The following ZFHX3 variants were observed in gnomAD, a reference collection of about 807,000 sequenced individuals.
The protein encoded by ZFHX3 is zinc finger homeobox protein 3.
ZFHX3 carries 42 observed loss-of-function variants against 279.1 expected under a neutral mutation model. The ratio of observed to expected loss-of-function variants is 0.15; its 90% CI spans 0.12 to 0.19. ZFHX3 has a LOEUF of 0.19. Among genes scored for constraint, ZFHX3 ranks in the 10% least tolerant of loss-of-function variants. The probability of loss-of-function intolerance (pLI) is 1.00; values close to 1 mark genes in which losing one functional copy is unlikely to be tolerated. For synonymous variants in ZFHX3, 2,293 were observed against 1,957.8 expected, an observed-to-expected ratio of 1.17 and a Z score of -4.52; for missense variants, 4,981 against 4,754.0, an observed-to-expected ratio of 1.05 and a Z score of -1.40.
chr16:73,230,664 C>T (rs986025327), intron 5 of ZFHX3, among the ~76,000 whole-genome samples: 4 of 152,182 alleles, frequency 2.6e-5, no homozygotes, highest in African/African-American at 9.7e-5. Flanking sequence ...TCGGGAAGGC[C>T]TGGTGCTATA....
intron 2 of ZFHX3, among the ~76,000 whole-genome samples, chr16:73,496,216 C>T (rs1374368212): frequency 2.0e-5 from 3 of 152,232 alleles, no homozygotes; most frequent in Admixed American, 6.5e-5. Context: ...GCACCCAATG[C>T]TTGGCCTTTT....
At chr16:73,198,114 T>C (rs1175846646) in intron 5 of ZFHX3, among the ~76,000 whole-genome samples, 1 of 151,782 alleles carries the variant, frequency 6.6e-6, no homozygotes, top group African/African-American at 2.4e-5. Flanking sequence ...ATTTTTTGTA[T>C]TTTTAGTAGA....
chr16:73,240,746 A>G (rs2013096568), intron 5 of ZFHX3, among the ~76,000 whole-genome samples: 1 of 152,198 alleles, frequency 6.6e-6, no homozygotes, highest in South Asian at 2.1e-4. Flanking sequence ...TGAAGTTACA[A>G]CTAAATTTCA....
intron 4 of ZFHX3, among the ~76,000 whole-genome samples, chr16:73,303,783 C>G (rs1032231167): frequency 2.6e-5 from 4 of 151,870 alleles, no homozygotes; most frequent in African/African-American, 7.3e-5. Context: ...AAGTCGACAG[C>G]AATTAAGTCT....
At chr16:73,838,762 CTGTG>C (rs34111835) in intron 1 of ZFHX3, among the ~76,000 whole-genome samples, 1,712 of 147,724 alleles carry the variant, frequency 0.012, 11 homozygotes, top group African/African-American at 0.02. Context: ...GTGTGTGTGT[CTGTG>C]TGTGTGTGTG....
intron 1 of ZFHX3, among the ~76,000 whole-genome samples, chr16:72,984,150 T>C (rs1052769620): frequency 1.3e-5 from 2 of 152,172 alleles, no homozygotes; most frequent in African/African-American, 4.8e-5. Flanking sequence ...CCCCATCTGA[T>C]AGTTTCACTC....
In ZFHX3 at chr16:73,713,656, A is replaced by G. The variant is rs537463567; in HGVS notation, c.-1607-33416T>C. Among the ~76,000 whole-genome samples the G allele has an allele frequency of 4.0e-5, 6 of 151,766 alleles. 1 individual carries two copies. The South Asian group carries it at 1.3e-3, about 32-fold the overall frequency. On this transcript the variant is annotated intron_variant, in intron 1 of 17. Transcript: ENST00000641206. The stretch of plus-strand genomic sequence containing the variant: ...TTTTTTTTTTTTTATACTCTAGTAA[A>G]TTTGCTTTTTACATCTATTTCTTTT...
intron 5 of ZFHX3, among the ~76,000 whole-genome samples, chr16:73,220,823 C>T (rs2012390598): frequency 6.6e-6 from 1 of 152,012 alleles, no homozygotes; most frequent in African/African-American, 2.4e-5. Context: ...ATAACATCCT[C>T]CTTTTTGTAA....
intron 5 of ZFHX3, among the ~76,000 whole-genome samples, chr16:73,164,698 GAAAA>G: frequency 1.1e-5 from 1 of 92,636 alleles, no homozygotes; most frequent in Admixed American, 1.3e-4. Flanking sequence ...AGACTCTGTT[GAAAA>G]AAAAAAAAAA....
At chr16:73,391,500 C>A (rs1471433565) in intron 3 of ZFHX3, among the ~76,000 whole-genome samples, 1 of 152,010 alleles carries the variant, frequency 6.6e-6, no homozygotes, top group African/African-American at 2.4e-5. Flanking sequence ...AAGTTTGAGG[C>A]TTAGCTGTGC....
At chr16:73,176,366 C>T (rs368703894) in intron 5 of ZFHX3, among the ~76,000 whole-genome samples, 6 of 152,298 alleles carry the variant, frequency 3.9e-5, no homozygotes, top group African/African-American at 1.4e-4. Flanking sequence ...CTGAAAGTCT[C>T]AAGTGATGAT....
At chr16:73,449,106 A>G (rs957133925) in intron 3 of ZFHX3, among the ~76,000 whole-genome samples, 1 of 152,232 alleles carries the variant, frequency 6.6e-6, no homozygotes, top group African/African-American at 2.4e-5. Context: ...CAAACAAAAT[A>G]TAACAACTGT....
intron 5 of ZFHX3, among the ~76,000 whole-genome samples, chr16:73,237,997 G>T (rs1054212909): frequency 2.0e-5 from 3 of 152,054 alleles, no homozygotes; most frequent in Admixed American, 2.0e-4. Flanking sequence ...CATTAAAACT[G>T]CTCTAAGTCA....
intron 1 of ZFHX3, among the ~76,000 whole-genome samples, chr16:73,860,065 C>T (rs1199716245): frequency 6.6e-6 from 1 of 152,172 alleles, no homozygotes; most frequent in Non-Finnish European, 1.5e-5. Flanking sequence ...AAGATACTGC[C>T]TTGATCATTG....
At chr16:73,026,673 C>CAAAAAAAAAAAAAAAAAAAAAAA in intron 1 of ZFHX3, among the ~76,000 whole-genome samples, 1 of 79,596 alleles carries the variant, frequency 1.3e-5, no homozygotes, top group South Asian at 4.5e-4. Flanking sequence ...AAAACTGCCT[C>CAAAAAAAAAAAAAAAAAAAAAAA]AAAAAAAAAA....
chr16:73,817,201 A>G (rs1322305496), intron 1 of ZFHX3, among the ~76,000 whole-genome samples: 1 of 152,164 alleles, frequency 6.6e-6, no homozygotes, highest in African/African-American at 2.4e-5. Context: ...CTGACAGTGA[A>G]ATGTGTGCCT....
chr16:72,878,911 G>A (rs1005740977), intron 4 of ZFHX3, among the ~76,000 whole-genome samples: 1 of 152,202 alleles, frequency 6.6e-6, no homozygotes, highest in Non-Finnish European at 1.5e-5. Context: ...CAGATGGGCC[G>A]CTGCAATGGG....
At chr16:73,093,602 C>T (rs774866431) in intron 7 of ZFHX3, 1 of 510,282 alleles carries the variant, frequency 2.0e-6, no homozygotes, top group Admixed American at 2.0e-5. Flanking sequence ...TCGTCTCCTG[C>T]AAACAGACAG....
chr16:73,615,488 T>C (rs1339441584), intron 2 of ZFHX3, among the ~76,000 whole-genome samples: 1 of 152,246 alleles, frequency 6.6e-6, no homozygotes, highest in Non-Finnish European at 1.5e-5. Context: ...TGCCATCTAA[T>C]CTATAAACTA....
Sources: gnomAD v4.1 joint callset for allele counts (sites outside exome capture counted in the v4.1 genomes callset) on GRCh38, gnomAD v4.1.1 for gene constraint, MANE v1.5 for transcripts, NCBI Gene and HGNC (gene_info 2026-07-23, HGNC 2026-07-21) for gene names.